LSS: variants seen among roughly 807,000 people sequenced by gnomAD.
LSS encodes 2,3-epoxysqualene-lanosterol cyclase.
LSS carries 90 observed loss-of-function variants against 110.3 expected under a neutral mutation model. The observed-to-expected ratio is 0.82, with a 90% CI of 0.69 to 0.97. LSS has a LOEUF of 0.97. LSS is among the 50% of genes least tolerant of loss of function. The probability of loss-of-function intolerance (pLI) is 0.00; values close to 1 mark genes in which losing one functional copy is unlikely to be tolerated. For missense variants in LSS, 927 were observed against 990.0 expected (o/e 0.94, Z 0.85); for synonymous variants, 433 against 400.0 (o/e 1.08, Z -0.98).
chr21:46,227,483 A>T, intron 3 of LSS, 69 bp downstream of exon 3: 5 of 1,575,368 alleles, frequency 3.2e-6, no homozygotes. Context: ...ACCCTAGACC[A>T]GGCTGGGCCA....
intron 9 of LSS, among the ~76,000 whole-genome samples, chr21:46,214,649 CA>C (rs1395443908): frequency 1.3e-5 from 2 of 152,200 alleles, no homozygotes; most frequent in African/African-American, 2.4e-5. Context: ...CGCACCAGCA[CA>C]GCCCGGGAAT....
In LSS at chr21:46,222,799, C is replaced by T. The variant is rs1279538924; in HGVS notation, c.320-61G>A. ...GGTGGTCATGACTGCTAAGACCAGG[C>T]CCCTTTCCTCCTGAGCACCTCACTC... On this transcript the variant is annotated intron_variant, in intron 3 of 21. Coordinates refer to ENST00000397728, the MANE Select transcript of LSS (RefSeq NM_002340.6). The T allele has an allele frequency of 7.1e-6, 9 of 1,260,170 alleles. No homozygotes were observed. The East Asian group carries it at 1.4e-4, about 20-fold the overall frequency. 78.1% of individuals were successfully genotyped at this position (1,260,170 alleles called of 1,614,324 possible).
chr21:46,211,576 A>G (rs937743456), intron 11 of LSS, among the ~76,000 whole-genome samples: 7 of 152,202 alleles, frequency 4.6e-5, no homozygotes, highest in Non-Finnish European at 1.0e-4. Flanking sequence ...CCCTAGTGAG[A>G]CAGAGCTGGG....
intron 21 of LSS, 55 bp from the exon 22 acceptor site, chr21:46,191,290 G>A (rs946919973): frequency 6.9e-6 from 11 of 1,599,064 alleles, no homozygotes; most frequent in Non-Finnish European, 9.4e-6. Flanking sequence ...CTGAGGGCTA[G>A]TCCCTGAACT....
chr21:46,200,946 A>G (rs2079970159), intron 17 of LSS, among the ~76,000 whole-genome samples: 1 of 152,250 alleles, frequency 6.6e-6, no homozygotes, highest in Admixed American at 6.5e-5. Flanking sequence ...CCTATCTGCA[A>G]ATTCCTTTCC....
chr21:46,217,219 G>A (rs890342006), intron 6 of LSS, among the ~76,000 whole-genome samples: 2 of 146,392 alleles, frequency 1.4e-5, no homozygotes, highest in African/African-American at 5.1e-5. Context: ...ACACAGCCTG[G>A]TGACAGAGCG....
At chr21:46,219,429 C>T in intron 6 of LSS, 47 bp downstream of exon 6, 1 of 1,434,438 alleles carries the variant, frequency 7.0e-7, no homozygotes, top group Non-Finnish European at 9.5e-7. Flanking sequence ...ACTCTACTCC[C>T]CGGGACAGCA....
Position 46,210,160 on chromosome 21 carries a change from G to A in LSS, c.1194+528C>T, listed in dbSNP as rs550421904. Among the ~76,000 whole-genome samples the A allele has an allele frequency of 3.2e-3, 447 of 141,514 alleles. 3 individuals are homozygous for A. Among genetic ancestry groups the A allele is most frequent in the African/African-American group, 0.011 (415 of 37,402 alleles). 92.8% of individuals were successfully genotyped at this position (141,514 alleles called of 152,430 possible). A position where few individuals can be genotyped will look rare whatever the true frequency, so the allele number is the denominator to read the frequency against. The stretch of plus-strand genomic sequence containing the variant: ...CGGCTCGCTGCACCCTCCACTTCCC[G>A]GGTTCAAGCAATTCTCTGCCTCAGC... On this transcript the variant is annotated intron_variant, in intron 12 of 21. Transcript: ENST00000397728.
chr21:46,206,048 C>T (rs2080044997), intron 16 of LSS, 107 bp from the exon 17 acceptor site: 1 of 801,952 alleles, frequency 1.2e-6, no homozygotes, highest in African/African-American at 1.7e-5. Context: ...GAGCCCGGGC[C>T]CGGACGCTGC....
rs775531733 is a variant in LSS at position 46,216,511 on chromosome 21, A to G, written c.661T>C (p.Trp221Arg). 4 of 1,605,870 alleles carry G rather than the reference A, an allele frequency of 2.5e-6. No homozygotes were observed. ...LFPEMWLFPD[W>R]APAHPSTLWC... ...AGTGTGGAGGGGTGTGCCGGTGCCC[A>G]GTCAGGAAACAGCCTGGGGCAACAG... Residue 221 changes from tryptophan to arginine, a missense_variant, in exon 7 of 22, where the codon TGG becomes CGG. Trp to Arg is a moderately radical substitution (Grantham distance 101). Transcript: ENST00000397728. This position sits in a 1 kb window ranked among gnomAD's most constrained non-coding sequence, Gnocchi z 4.2.
At chr21:46,205,648 A>G (rs943746796) in intron 17 of LSS, among the ~76,000 whole-genome samples, 188 bp downstream of exon 17, 1 of 152,240 alleles carries the variant, frequency 6.6e-6, no homozygotes, top group Non-Finnish European at 1.5e-5. Context: ...TGCTATTCTG[A>G]GCCCCTAACA....
At chr21:46,222,462 C>T in intron 4 of LSS, 168 bp downstream of exon 4, 1 of 601,446 alleles carries the variant, frequency 1.7e-6, no homozygotes, top group Non-Finnish European at 2.9e-6. Context: ...GCCCCACCTG[C>T]ATGGCCTTCA....
At position 46,209,414 on chromosome 21, in the gene LSS, G is replaced by T. The variant is rs986316493; in HGVS notation, c.1266+140C>A. 2.8e-6 allele frequency: 2 copies of T among 722,478 alleles called. No homozygotes were observed. Among genetic ancestry groups the T allele is most frequent in the Non-Finnish European group, 4.4e-6 (2 of 450,050 alleles). The allele number at this position is 722,478 out of a possible 1,614,324, so 44.8% of individuals were successfully genotyped here. On this transcript the variant is annotated intron_variant, in intron 13 of 21. Transcript: ENST00000397728. This position sits in a 1 kb window ranked among gnomAD's most constrained non-coding sequence, Gnocchi z 4.4. Reference sequence around the variant, plus strand: ...TGGATGGAGCAGGGGCTAGGGAGGGGATGGGAGGGTGGGGGTGACCTGAAA... The same window carrying T: ...TGGATGGAGCAGGGGCTAGGGAGGGTATGGGAGGGTGGGGGTGACCTGAAA...
chr21:46,191,833 C>G (rs2079819759), intron 21 of LSS, 48 bp downstream of exon 21: 1 of 1,510,352 alleles, frequency 6.6e-7, no homozygotes, highest in African/African-American at 1.4e-5. Flanking sequence ...GCCATGCACG[C>G]TGGAGGTCAG....
intron 21 of LSS, 59 bp downstream of exon 21, chr21:46,191,822 A>C (rs2079819563): frequency 7.0e-7 from 1 of 1,422,668 alleles, no homozygotes; most frequent in South Asian, 1.2e-5. Context: ...ACGTGGAAAC[A>C]GCCATGCACG....
Position 46,189,178 on chromosome 21 carries a change from C to T in LSS, c.*1926G>A, listed in dbSNP as rs577537211. 3.2e-5 allele frequency: 7 copies of T among 218,634 alleles called. No homozygotes were observed. The highest frequency in any genetic ancestry group is 1.6e-4 in the African/African-American group (7 of 43,424). The allele number at this position is 218,634 out of a possible 1,614,324, so 13.5% of individuals were successfully genotyped here. A position where few individuals can be genotyped will look rare whatever the true frequency, so the allele number is the denominator to read the frequency against. On this transcript the variant is annotated 3_prime_UTR_variant, in exon 22 of 22. Transcript: ENST00000397728. The stretch of plus-strand genomic sequence containing the variant: ...TTAAGGCAGATGCTCATAAAAGTGA[C>T]TTTCAGTAACATTTTCAGTATAAAA...
At chr21:46,205,385 C>T (rs1470823623) in intron 17 of LSS, among the ~76,000 whole-genome samples, 3 of 152,210 alleles carry the variant, frequency 2.0e-5, no homozygotes, top group African/African-American at 7.2e-5. Flanking sequence ...ACACCCACGA[C>T]CTGGCAGGCA....
Position 46,219,478 on chromosome 21 carries a change from C to A in LSS, c.645G>T (p.Met215Ile). 2.5e-6 allele frequency: 4 copies of A among 1,588,558 alleles called. 1 individual carries two copies. The Admixed American group carries it at 7.1e-5, about 28-fold the overall frequency. Residue 215 changes from methionine (M) to isoleucine (I), a missense_variant and splice_region_variant, in exon 6 of 22, where the codon ATG (methionine) becomes ATT (isoleucine). Coordinates refer to ENST00000397728, the MANE Select transcript of LSS (RefSeq NM_002340.6). ...WEGLNTLFPEMWLFPDWAPAH... is the reference protein window; with the variant it reads ...WEGLNTLFPEIWLFPDWAPAH... ...AACCCAATCAACAGCAGACATACCACATCTCTGGGAACAGGGTATTGAGGC... is the reference window on the plus strand; with the variant it reads ...AACCCAATCAACAGCAGACATACCAAATCTCTGGGAACAGGGTATTGAGGC...
intron 5 of LSS, among the ~76,000 whole-genome samples, chr21:46,220,844 G>T (rs887382467): frequency 2.0e-5 from 3 of 151,548 alleles, no homozygotes; most frequent in Non-Finnish European, 2.9e-5. Flanking sequence ...ACAGCCTGGG[G>T]CTTGGAGAGG....
Sources: gnomAD v4.1 joint callset for allele counts (sites outside exome capture counted in the v4.1 genomes callset) on GRCh38, gnomAD v4.1.1 for gene constraint, Gnocchi (gnomAD v3.1) non-coding constraint, MANE v1.5 for transcripts, NCBI Gene and HGNC (gene_info 2026-07-23, HGNC 2026-07-21) for gene names.